RYR3: variants seen among roughly 807,000 people sequenced by gnomAD.
RYR3 encodes ryanodine receptor 3.
Under a neutral mutation model 584.3 loss-of-function variants are expected in RYR3, and 207 were observed. The ratio of observed to expected loss-of-function variants is 0.35; its 90% CI spans 0.32 to 0.40. RYR3 has a LOEUF of 0.40. Ranked by LOEUF, RYR3 falls within the 10% of genes least tolerant of loss-of-function variation. The pLI is 1.00. For missense variants in RYR3, 5,616 were observed against 6,089.2 expected (o/e 0.92, Z 2.59); for synonymous variants, 2,416 against 2,248.5 (o/e 1.07, Z -2.11).
Position 33,779,724 on chromosome 15 carries a change from C to T in RYR3, c.9138-487C>T, listed in dbSNP as rs544933971. ...AACCAGTTAAGAACTAGGATCTGGCCGGGCGTGGTGGCTCACGCCTGTAGT... is the reference window on the plus strand; with the variant it reads ...AACCAGTTAAGAACTAGGATCTGGCTGGGCGTGGTGGCTCACGCCTGTAGT... On this transcript the variant is annotated intron_variant, in intron 64 of 103. Coordinates refer to ENST00000634891, the MANE Select transcript of RYR3 (RefSeq NM_001036.6). Among the ~76,000 whole-genome samples, 6 of 152,204 alleles carry T rather than the reference C, an allele frequency of 3.9e-5. No individual in the cohort carries two copies. The South Asian group carries it at 6.2e-4, about 16-fold the overall frequency.
intron 1 of RYR3, among the ~76,000 whole-genome samples, chr15:33,450,615 T>C (rs1207100562): frequency 1.3e-5 from 2 of 152,040 alleles, no homozygotes. Flanking sequence ...TTTTTTTTTT[T>C]TAATACAATG....
chr15:33,490,476 G>A (rs1005545018), intron 2 of RYR3, among the ~76,000 whole-genome samples: 3 of 152,058 alleles, frequency 2.0e-5, no homozygotes, highest in Non-Finnish European at 4.4e-5. Flanking sequence ...GGTGGTTCAG[G>A]TGCACTACTG....
intron 58 of RYR3, 99 bp from the exon 59 acceptor site, chr15:33,756,204 CTTT>C (rs1474908141): frequency 4.0e-5 from 32 of 791,092 alleles, no homozygotes; most frequent in Non-Finnish European, 6.6e-5. Context: ...ATCAGATAGC[CTTT>C]TTAAATAGCC....
Position 33,728,910 on chromosome 15 carries a change from G to A in RYR3, c.7087G>A (p.Ala2363Thr), listed in dbSNP as rs781095139. Residue 2363 changes from alanine (A) to threonine (T), a missense_variant, in exon 47 of 104, where the codon GCA becomes ACA. This residue lies in a region of RYR3 where 1,280 missense variants were observed against 1,426.2 expected (regional missense o/e 0.90). Coordinates refer to ENST00000634891, the MANE Select transcript of RYR3 (RefSeq NM_001036.6). ...MAANFCPDHK[A>T]PMVLFLDRVY... ...GGCCAATTTCTGCCCTGACCACAAG[G>A]CACCTATGGTGCTGTTCTTGGACCG... The A allele has an allele frequency of 5.3e-5, 85 of 1,613,536 alleles. No homozygotes were observed. The highest frequency in any genetic ancestry group is 6.2e-5 in the Non-Finnish European group (73 of 1,179,794).
intron 3 of RYR3, among the ~76,000 whole-genome samples, chr15:33,511,344 A>G (rs969436024): frequency 4.0e-5 from 6 of 151,860 alleles, no homozygotes; most frequent in African/African-American, 1.2e-4. Context: ...AAAAAAAAAA[A>G]AAAAAAACTC....
At chr15:33,491,570 A>G (rs751522617) in intron 2 of RYR3, among the ~76,000 whole-genome samples, 3 of 152,170 alleles carry the variant, frequency 2.0e-5, no homozygotes, top group Admixed American at 6.5e-5. Flanking sequence ...CTCAACCATT[A>G]TGTATTGGAG....
chr15:33,540,717 A>G, intron 6 of RYR3, 74 bp from the exon 7 acceptor site: 2 of 876,248 alleles, frequency 2.3e-6, no homozygotes, highest in Non-Finnish European at 3.9e-6. Flanking sequence ...TAATCCTTGA[A>G]GTTCTAGGTG....
chr15:33,376,290 T>C (rs999101796), intron 1 of RYR3, among the ~76,000 whole-genome samples: 6 of 152,202 alleles, frequency 3.9e-5, no homozygotes, highest in African/African-American at 1.4e-4. Flanking sequence ...ATATTGAGTG[T>C]ATCAGTAGTT....
At chr15:33,831,639 T>C (rs2077682279) in intron 86 of RYR3, among the ~76,000 whole-genome samples, 1 of 152,230 alleles carries the variant, frequency 6.6e-6, no homozygotes, top group African/African-American at 2.4e-5. Flanking sequence ...GTTAACTGTC[T>C]AGATCTTGCT....
At chr15:33,530,008 T>C (rs1246538095) in intron 3 of RYR3, among the ~76,000 whole-genome samples, 1 of 152,180 alleles carries the variant, frequency 6.6e-6, no homozygotes, top group Non-Finnish European at 1.5e-5. Context: ...AGAAGATACC[T>C]AGATGGTCTC....
chr15:33,431,364 A>G (rs2045129023), intron 1 of RYR3, among the ~76,000 whole-genome samples: 1 of 152,366 alleles, frequency 6.6e-6, no homozygotes, highest in East Asian at 1.9e-4. Context: ...ATGAGATACC[A>G]TATAGTTTCT....
intron 1 of RYR3, among the ~76,000 whole-genome samples, chr15:33,368,338 C>CTTTTT (rs35491164): frequency 0.029 from 2,448 of 85,768 alleles, 145 homozygotes; most frequent in East Asian, 0.051. Context: ...GCCTTCCTGT[C>CTTTTT]TTTTTTTTTT....
At chr15:33,639,152 G>A (rs1488898444) in intron 27 of RYR3, among the ~76,000 whole-genome samples, 2 of 152,192 alleles carry the variant, frequency 1.3e-5, no homozygotes, top group Non-Finnish European at 2.9e-5. Flanking sequence ...GGCTTTGAGA[G>A]AGCCTCTGTA....
At chr15:33,480,456 A>G (rs78979470) in intron 2 of RYR3, among the ~76,000 whole-genome samples, 3,654 of 152,294 alleles carry the variant, frequency 0.024, 136 homozygotes, top group African/African-American at 0.08. Flanking sequence ...GGTCATACAC[A>G]TATTAGGTCC....
chr15:33,316,558 A>G (rs1445361511), intron 1 of RYR3, among the ~76,000 whole-genome samples: 1 of 152,130 alleles, frequency 6.6e-6, no homozygotes, highest in African/African-American at 2.4e-5. Flanking sequence ...AAAAAAAATG[A>G]GCTTAGAGGC....
intron 1 of RYR3, among the ~76,000 whole-genome samples, chr15:33,337,816 AG>A (rs1405868478): frequency 3.3e-5 from 5 of 152,126 alleles, no homozygotes; most frequent in African/African-American, 1.2e-4. Flanking sequence ...GTATGTTCAT[AG>A]TACTGAACAA....
chr15:33,821,688 C>G, intron 80 of RYR3, 86 bp downstream of exon 80: 1 of 1,333,458 alleles, frequency 7.5e-7, no homozygotes, highest in East Asian at 2.3e-5. Flanking sequence ...GAGTTGACTG[C>G]TACAGAGGGG....
chr15:33,829,723 G>T lies in RYR3; in HGVS notation c.11335-1240G>T, dbSNP rs2152969345. 1.3e-5 allele frequency among the ~76,000 whole-genome samples: 2 copies of T among 149,068 alleles called. 1 individual carries two copies. The highest frequency in any genetic ancestry group is 6.8e-3 in the Middle Eastern group (2 of 294). ...AGCCAGATTGCGCCGCTGCACTCCA[G>T]CCTGGGCAACAGAGCGAGACTCTGT... On this transcript the variant is annotated intron_variant, in intron 85 of 103. Transcript: ENST00000634891.
Position 33,311,197 on chromosome 15 carries a change from G to A in RYR3, c.51+101G>A, listed in dbSNP as rs1049296339. On this transcript the variant is annotated intron_variant, in intron 1 of 103. Coordinates refer to ENST00000634891, the MANE Select transcript of RYR3 (RefSeq NM_001036.6). This position sits in a 1 kb window ranked among gnomAD's most constrained non-coding sequence, Gnocchi z 4.4. ...CGCTGCGCCGCGGTGCCGGGTGCCC[G>A]GTGCCGGGCGCTTTCTCCGCACCCG... is the stretch of plus-strand genomic sequence containing the variant. 3.3e-6 allele frequency: 3 copies of A among 900,322 alleles called. No individual in the cohort carries two copies. The highest frequency in any genetic ancestry group is 3.4e-5 in the South Asian group (1 of 29,756). 55.8% of individuals were successfully genotyped at this position (900,322 alleles called of 1,614,324 possible).
Sources: gnomAD v4.1 joint callset for allele counts (sites outside exome capture counted in the v4.1 genomes callset) on GRCh38, gnomAD v4.1.1 for gene constraint, gnomAD v4.1.1 regional missense constraint, Gnocchi (gnomAD v3.1) non-coding constraint, MANE v1.5 for transcripts, NCBI Gene and HGNC (gene_info 2026-07-23, HGNC 2026-07-21) for gene names.